RUSF1: variants seen among roughly 807,000 people sequenced by gnomAD.
RUSF1 encodes the protein RUS1 family protein C16orf58.
In RUSF1, 58 loss-of-function variants were observed where a neutral mutation model predicts 63.0. That is an observed-to-expected ratio of 0.92 (90% CI 0.75 to 1.15). The LOEUF is 1.15. Ranked by LOEUF, RUSF1 falls within the 50% of genes most tolerant of loss-of-function variation. The pLI, the probability that RUSF1 is intolerant of heterozygous loss-of-function variation, is 0.00. For missense variants in RUSF1, 652 were observed against 611.0 expected (o/e 1.07, Z -0.71); for synonymous variants, 274 against 255.8 (o/e 1.07, Z -0.68).
chr16:31,491,127 G>A lies in RUSF1; in HGVS notation c.1310-195C>T, dbSNP rs181864235. On this transcript the variant is annotated intron_variant, in intron 12 of 12. Transcript: ENST00000327237. ...ATGGCACACAGAAGAGCGCTGGGAT[G>A]GAACAGGCGCCAGACAAAACGTCCT... Among the ~76,000 whole-genome samples the A allele has an allele frequency of 4.7e-4, 71 of 152,290 alleles. 1 individual carries two copies. Among genetic ancestry groups the A allele is most frequent in the South Asian group, 4.6e-3 (22 of 4,824 alleles).
rs2082542703 is a variant in RUSF1 at position 31,489,694 on chromosome 16, A to C, written c.*1141T>G. ...GGGCAGGTGGCTCCAGGCAGGGCTG[A>C]TGGTGGCAGGGTGGGGTGAGGACAG... On this transcript the variant is annotated 3_prime_UTR_variant, in exon 13 of 13. Transcript: ENST00000327237. 2 of 463,830 alleles carry C rather than the reference A, an allele frequency of 4.3e-6. No individual in the cohort carries two copies. The highest frequency in any genetic ancestry group is 7.9e-6 in the Non-Finnish European group (2 of 251,606). 28.7% of individuals were successfully genotyped at this position (463,830 alleles called of 1,614,324 possible). A position where few individuals can be genotyped will look rare whatever the true frequency, so the allele number is the denominator to read the frequency against.
At chr16:31,504,359 C>G (rs539610621) in intron 2 of RUSF1, among the ~76,000 whole-genome samples, 1 of 152,260 alleles carries the variant, frequency 6.6e-6, no homozygotes, top group South Asian at 2.1e-4. Context: ...ACCTCCACTT[C>G]CTGGGTTCAA....
chr16:31,506,819 C>T (rs1285471368), intron 2 of RUSF1, among the ~76,000 whole-genome samples: 3 of 151,972 alleles, frequency 2.0e-5, no homozygotes, highest in Admixed American at 6.6e-5. Context: ...TGGGGGTCTC[C>T]CTATGTTGCC....
chr16:31,507,259 C>A (rs370076473), intron 2 of RUSF1, among the ~76,000 whole-genome samples: 13 of 152,190 alleles, frequency 8.5e-5, no homozygotes, highest in Admixed American at 5.2e-4. Flanking sequence ...TTTCCTTAAA[C>A]AATTTTTTAA....
chr16:31,506,027 A>G (rs932898502), intron 2 of RUSF1, among the ~76,000 whole-genome samples: 12 of 152,172 alleles, frequency 7.9e-5, no homozygotes, highest in Admixed American at 5.9e-4. Flanking sequence ...TTAGTGGTAT[A>G]TCATGTTTTA....
intron 2 of RUSF1, among the ~76,000 whole-genome samples, chr16:31,503,812 A>G (rs1308274532): frequency 6.6e-6 from 1 of 152,120 alleles, no homozygotes; most frequent in Non-Finnish European, 1.5e-5. Flanking sequence ...ACAGGTGCAC[A>G]CAACCATGCC....
intron 5 of RUSF1, 125 bp downstream of exon 5, chr16:31,499,177 C>T (rs1030196199): frequency 2.8e-5 from 25 of 879,784 alleles, no homozygotes; most frequent in Non-Finnish European, 4.2e-5. Context: ...TGGTTGGGTT[C>T]GAGTAGAAAC....
intron 10 of RUSF1, 106 bp downstream of exon 10, chr16:31,492,872 G>GA: frequency 8.8e-7 from 1 of 1,138,926 alleles, no homozygotes; most frequent in Non-Finnish European, 1.2e-6. Context: ...GCAACCCCCA[G>GA]AACAGGCAGC....
intron 2 of RUSF1, among the ~76,000 whole-genome samples, chr16:31,507,431 G>A (rs1045358502): frequency 6.6e-6 from 1 of 152,062 alleles, no homozygotes; most frequent in Non-Finnish European, 1.5e-5. Flanking sequence ...CCTATCCTGG[G>A]CAGCTGGCAG....
At chr16:31,500,495 G>A (rs1350597185) in intron 3 of RUSF1, among the ~76,000 whole-genome samples, 191 bp downstream of exon 3, 4 of 152,194 alleles carry the variant, frequency 2.6e-5, no homozygotes, top group Non-Finnish European at 5.9e-5. Context: ...AGGCTCAGGG[G>A]GCACAGTTAC....
rs954492585 is a variant in RUSF1 at position 31,507,853 on chromosome 16, G to C, written c.326C>G (p.Ser109Cys). The C allele has an allele frequency of 1.9e-6, 3 of 1,569,046 alleles. No homozygotes were observed. Among genetic ancestry groups the C allele is most frequent in the African/African-American group, 2.7e-5 (2 of 73,768 alleles). Residue 109 changes from serine (S) to cysteine (C), a missense_variant, in exon 2 of 13, where the codon TCC (serine) becomes TGC (cysteine). Coordinates refer to ENST00000327237, the MANE Select transcript of RUSF1 (RefSeq NM_022744.4). Reference sequence around the variant, plus strand: ...CAGCAAGACTGCCTGGGTGGCTAGGGAGCCGGAGAGGCTGGAAGCAAACGC... The same window carrying C: ...CAGCAAGACTGCCTGGGTGGCTAGGCAGCCGGAGAGGCTGGAAGCAAACGC... ...VQAFASSLSGSLATQAVLLGI... is the reference protein window; with the variant it reads ...VQAFASSLSGCLATQAVLLGI...
At chr16:31,506,691 G>A (rs2082660699) in intron 2 of RUSF1, among the ~76,000 whole-genome samples, 1 of 152,220 alleles carries the variant, frequency 6.6e-6, no homozygotes, top group Non-Finnish European at 1.5e-5. Context: ...GCTGAGGCAG[G>A]AGAATCGCTT....
chr16:31,494,656 A>T (rs1464320589), intron 6 of RUSF1, among the ~76,000 whole-genome samples: 2 of 151,562 alleles, frequency 1.3e-5, no homozygotes, highest in Non-Finnish European at 2.9e-5. Flanking sequence ...CCTTGAACAC[A>T]TCTTGTCTTG....
chr16:31,494,326 GC>G (rs1469968129), intron 6 of RUSF1, among the ~76,000 whole-genome samples: 1 of 152,054 alleles, frequency 6.6e-6, no homozygotes, highest in Non-Finnish European at 1.5e-5. Context: ...TTCAAGACCA[GC>G]TTCGGCAACA....
chr16:31,497,554 C>T (rs913354312), intron 5 of RUSF1, among the ~76,000 whole-genome samples: 1 of 150,992 alleles, frequency 6.6e-6, no homozygotes, highest in African/African-American at 2.4e-5. Context: ...CCAGGCGGGC[C>T]TGGAACTCCT....
At chr16:31,493,997 C>T (rs1267783460) in intron 6 of RUSF1, 61 bp from the exon 7 acceptor site, 8 of 1,552,328 alleles carry the variant, frequency 5.2e-6, no homozygotes, top group East Asian at 2.3e-5. Context: ...ACTGAGTGCC[C>T]GAGTGCCTTT....
chr16:31,503,021 T>C (rs1013897985), intron 2 of RUSF1, among the ~76,000 whole-genome samples: 3 of 152,278 alleles, frequency 2.0e-5, no homozygotes, highest in African/African-American at 7.2e-5. Flanking sequence ...GAGCCTATTC[T>C]ACCTTTCCAT....
At chr16:31,495,030 G>A (rs1338784280) in intron 6 of RUSF1, among the ~76,000 whole-genome samples, 1 of 152,166 alleles carries the variant, frequency 6.6e-6, no homozygotes, top group African/African-American at 2.4e-5. Flanking sequence ...TTGGTATGCA[G>A]TAACTGGCAG....
At chr16:31,497,958 CT>C (rs2082612878) in intron 5 of RUSF1, among the ~76,000 whole-genome samples, 1 of 152,194 alleles carries the variant, frequency 6.6e-6, no homozygotes, top group South Asian at 2.1e-4. Context: ...GGCACGGAGG[CT>C]ACCTGGGAAG....
Sources: allele counts gnomAD v4.1 joint callset (sites outside exome capture counted in the v4.1 genomes callset), GRCh38; gene constraint gnomAD v4.1.1; transcripts MANE v1.5; gene names NCBI Gene and HGNC (gene_info 2026-07-23, HGNC 2026-07-21).